Variants in LACTB2 observed in about 807,000 individuals in gnomAD.
LACTB2 encodes lactamase beta 2, also known as endoribonuclease LACTB2.
LACTB2 carries 32 observed loss-of-function variants against 34.8 expected under a neutral mutation model. The ratio of observed to expected loss-of-function variants is 0.92; its 90% CI spans 0.69 to 1.24. The LOEUF is 1.24. Ranked by LOEUF, LACTB2 falls within the 50% of genes most tolerant of loss-of-function variation. LACTB2 has a pLI of 0.00. For synonymous variants in LACTB2, 120 were observed against 117.5 expected (o/e 1.02, Z -0.14); for missense variants, 320 against 345.0 (o/e 0.93, Z 0.57).
At chr8:70,646,182 C>T (rs1444705039) in intron 3 of LACTB2, 1 of 152,136 alleles carries the variant, frequency 6.6e-6, no homozygotes, top group East Asian at 1.9e-4. Flanking sequence ...TTAATGATCG[C>T]CATTCTAACT....
intron 3 of LACTB2, among the ~76,000 whole-genome samples, chr8:70,652,982 G>C (rs997792860): frequency 6.6e-6 from 1 of 152,184 alleles, no homozygotes; most frequent in African/African-American, 2.4e-5. Flanking sequence ...CATTAACTTG[G>C]TCTAGGGCTG....
chr8:70,662,833 A>G (rs1387250798), intron 1 of LACTB2: 1 of 152,084 alleles, frequency 6.6e-6, no homozygotes, highest in East Asian at 1.9e-4. Flanking sequence ...GACTACAGGT[A>G]TGTGCCACCA....
chr8:70,645,441 A>G (rs1818251496), intron 3 of LACTB2, among the ~76,000 whole-genome samples: 2 of 152,186 alleles, frequency 1.3e-5, no homozygotes, highest in African/African-American at 4.8e-5. Context: ...GTTATTATCT[A>G]AAAGCTTAAA....
Position 70,661,886 on chromosome 8 carries a change from A to C in LACTB2, c.134T>G (p.Ile45Ser). The change falls in exon 2 of 7, where the codon ATT becomes AGT. Residue 45 changes from isoleucine (I) to serine (S), a missense_variant. Coordinates refer to ENST00000276590, the MANE Select transcript of LACTB2 (RefSeq NM_016027.3). ...TGGAATTGCTGGTTCTCCAGTGTCAATGAGGATTCTCCTGAAAATTAAATG... is the reference window on the plus strand; with the variant it reads ...TGGAATTGCTGGTTCTCCAGTGTCACTGAGGATTCTCCTGAAAATTAAATG... ...LVGTGPRRIL[I>S]DTGEPAIPEY... 6.2e-7 allele frequency: 1 copy of C among 1,606,288 alleles called. No individual in the cohort carries two copies. The highest frequency in any genetic ancestry group is 1.3e-5 in the African/African-American group (1 of 74,806).
chr8:70,658,001 C>T, intron 2 of LACTB2, 119 bp from the exon 3 acceptor site: 2 of 577,902 alleles, frequency 3.5e-6, no homozygotes, highest in East Asian at 3.6e-5. Flanking sequence ...CATTAAGAGA[C>T]AACAGAAAAT....
At chr8:70,665,282 T>C (rs1818523098) in intron 1 of LACTB2, among the ~76,000 whole-genome samples, 1 of 152,246 alleles carries the variant, frequency 6.6e-6, no homozygotes, top group Non-Finnish European at 1.5e-5. Flanking sequence ...TGTATAGGTC[T>C]ATGAACGATT....
chr8:70,658,358 T>G (rs1400192567), intron 2 of LACTB2, among the ~76,000 whole-genome samples: 1 of 152,142 alleles, frequency 6.6e-6, no homozygotes, highest in Non-Finnish European at 1.5e-5. Context: ...GGCTAAGATA[T>G]TAAACCTTTA....
intron 3 of LACTB2, 145 bp downstream of exon 3, chr8:70,657,611 T>G: frequency 1.7e-6 from 1 of 596,778 alleles, no homozygotes; most frequent in Non-Finnish European, 2.7e-6. Context: ...AATTTTTTTT[T>G]GGTATTGCCC....
At chr8:70,661,644 G>T in intron 2 of LACTB2, 90 bp downstream of exon 2, 1 of 1,113,736 alleles carries the variant, frequency 9.0e-7, no homozygotes, top group Non-Finnish European at 1.3e-6. Flanking sequence ...TTTAGTAAAT[G>T]GTTTATAGAC....
chr8:70,664,402 T>C (rs1295107584), intron 1 of LACTB2, among the ~76,000 whole-genome samples: 4 of 152,190 alleles, frequency 2.6e-5, no homozygotes, highest in African/African-American at 7.2e-5. Context: ...TGATAAAATC[T>C]AGTAGCAAAG....
At chr8:70,660,285 A>G in intron 2 of LACTB2, 1 of 282,704 alleles carries the variant, frequency 3.5e-6, no homozygotes, top group Non-Finnish European at 6.9e-6. Flanking sequence ...AAGATTTAAT[A>G]GGTAGATTAA....
At chr8:70,660,413 G>T (rs1818467058) in intron 2 of LACTB2, 1 of 365,818 alleles carries the variant, frequency 2.7e-6, no homozygotes, top group South Asian at 2.1e-5. Context: ...AGCTAAGAGG[G>T]TAAGGAAGCT....
intron 1 of LACTB2, among the ~76,000 whole-genome samples, chr8:70,667,753 GA>G (rs989488758): frequency 3.9e-5 from 6 of 152,172 alleles, no homozygotes; most frequent in Non-Finnish European, 7.3e-5. Flanking sequence ...TTCAACGCTG[GA>G]AAAAAGGCAG....
chr8:70,664,738 A>T (rs948849511), intron 1 of LACTB2, among the ~76,000 whole-genome samples: 5 of 152,212 alleles, frequency 3.3e-5, no homozygotes, highest in African/African-American at 1.2e-4. Flanking sequence ...AGCAATTTAA[A>T]CCATTTGGGG....
In LACTB2 at chr8:70,657,832, T is replaced by C; in HGVS notation, c.337A>G (p.Ile113Val). 6.2e-7 allele frequency: 1 copy of C among 1,611,508 alleles called. No individual in the cohort carries two copies. Among genetic ancestry groups the C allele is most frequent in the Admixed American group, 1.7e-5 (1 of 59,994 alleles). The change falls in exon 3 of 7, where the codon ATT (isoleucine) becomes GTT (valine). Residue 113 changes from isoleucine to valine, a missense_variant. Ile to Val is a conservative substitution (Grantham distance 29, BLOSUM62 3). Transcript: ENST00000276590. Reference sequence around the variant, plus strand: ...TATTGTTGCTCTCCATTTCCTATAATTTCTTCTCTCTGAGGATTCCGTGGG... The same window carrying C: ...TATTGTTGCTCTCCATTTCCTATAACTTCTTCTCTCTGAGGATTCCGTGGG... ...KLPRNPQREE[I>V]IGNGEQQYVY...
chr8:70,657,213 G>C (rs1818421195), intron 3 of LACTB2, among the ~76,000 whole-genome samples: 1 of 152,132 alleles, frequency 6.6e-6, no homozygotes. Context: ...CTCCTTGGGA[G>C]ACAACACTTA....
At chr8:70,646,488 A>G (rs1818265598) in intron 3 of LACTB2, 2 of 152,162 alleles carry the variant, frequency 1.3e-5, no homozygotes, top group African/African-American at 4.8e-5. Context: ...CAAATCAGAA[A>G]AAGACTCTTT....
chr8:70,638,780 C>T (rs1279617340), intron 5 of LACTB2, 151 bp from the exon 6 acceptor site: 21 of 616,628 alleles, frequency 3.4e-5, no homozygotes, highest in African/African-American at 1.9e-4. Context: ...CTCACTCTGT[C>T]GCCAGGCTGG....
At chr8:70,639,943 C>T (rs1818174866) in intron 5 of LACTB2, among the ~76,000 whole-genome samples, 1 of 151,122 alleles carries the variant, frequency 6.6e-6, no homozygotes, top group African/African-American at 2.5e-5. Context: ...GCCTGGGCAA[C>T]AAGAGCAAAA....
Sources: gnomAD v4.1 joint callset for allele counts (sites outside exome capture counted in the v4.1 genomes callset) on GRCh38, gnomAD v4.1.1 for gene constraint, MANE v1.5 for transcripts, NCBI Gene and HGNC (gene_info 2026-07-23, HGNC 2026-07-21) for gene names.